Variants in SP4 observed in about 807,000 individuals in gnomAD.
SP4 encodes Sp4 transcription factor.
Under a neutral mutation model 72.8 loss-of-function variants are expected in SP4, and 19 were observed. The ratio of observed to expected loss-of-function variants is 0.26; its 90% CI spans 0.18 to 0.38. The LOEUF (loss-of-function observed/expected upper bound fraction) is 0.38, where lower values mean the gene tolerates loss of function less well. SP4 is among the 10% of genes least tolerant of loss of function. SP4 has a pLI of 1.00. For missense variants in SP4, 1,008 were observed against 926.3 expected, an observed-to-expected ratio of 1.09 and a Z score of -1.14; for synonymous variants, 395 against 333.1, an observed-to-expected ratio of 1.19 and a Z score of -2.02.
chr7:21,439,778 G>GTCCCAGCCA (rs1368612985), intron 3 of SP4, among the ~76,000 whole-genome samples: 2 of 152,078 alleles, frequency 1.3e-5, no homozygotes, highest in Non-Finnish European at 2.9e-5. Context: ...CATGTTTGTA[G>GTCCCAGCCA]TCCCAGCCAC....
At position 21,479,597 on chromosome 7, in the gene SP4, T is replaced by C. The variant is rs1315847882; in HGVS notation, c.1907+2290T>C. Among the ~76,000 whole-genome samples the C allele has an allele frequency of 2.0e-5, 3 of 152,218 alleles. No homozygotes were observed. The East Asian group carries it at 5.8e-4, about 29-fold the overall frequency. On this transcript the variant is annotated intron_variant, in intron 4 of 5. Coordinates refer to ENST00000222584, the MANE Select transcript of SP4 (RefSeq NM_003112.5). ...GCAGCTTTGTTATTCTTCAAAATTG[T>C]ACTGACTCTTTCGGGACACTTGCAA...
rs1385305372 is a variant in SP4, at chr7:21,512,444, T to G, written c.*1175T>G. 2 of 152,032 alleles carry G rather than the reference T, an allele frequency of 1.3e-5. No individual in the cohort carries two copies. Among genetic ancestry groups the G allele is most frequent in the Non-Finnish European group, 2.9e-5 (2 of 67,998 alleles). 9.4% of individuals were successfully genotyped at this position (152,032 alleles called of 1,614,324 possible). A position where few individuals can be genotyped will look rare whatever the true frequency, so the allele number is the denominator to read the frequency against. On this transcript the variant is annotated 3_prime_UTR_variant, in exon 6 of 6. Coordinates refer to ENST00000222584, the MANE Select transcript of SP4 (RefSeq NM_003112.5). The stretch of plus-strand genomic sequence containing the variant: ...CCCTAAAAATTAGCCTAATATATAA[T>G]AGATATATTATGAAGCAAAACTTTT...
At chr7:21,491,281 A>T (rs1784971574) in intron 5 of SP4, among the ~76,000 whole-genome samples, 2 of 152,198 alleles carry the variant, frequency 1.3e-5, no homozygotes, top group African/African-American at 4.8e-5. Flanking sequence ...AAGTAAGTTT[A>T]TCAGATGCTC....
chr7:21,481,383 C>G (rs1428086204), intron 4 of SP4, among the ~76,000 whole-genome samples: 1 of 152,202 alleles, frequency 6.6e-6, no homozygotes, highest in Admixed American at 6.5e-5. Context: ...ATACCACAGA[C>G]TCTTACTGTT....
chr7:21,452,208 G>GA (rs1783621391), intron 3 of SP4, among the ~76,000 whole-genome samples: 1 of 152,198 alleles, frequency 6.6e-6, no homozygotes. Context: ...TGATAGGACT[G>GA]ATTTGTTTGC....
At position 21,514,433 on chromosome 7, in the gene SP4, A is replaced by G. The variant is rs1204337223; in HGVS notation, c.*3164A>G. On this transcript the variant is annotated 3_prime_UTR_variant, in exon 6 of 6. Coordinates refer to ENST00000222584, the MANE Select transcript of SP4 (RefSeq NM_003112.5). ...CATAGGGTATTAAATCTACATAATG[A>G]TTTTAAAACAGAAATAGTTGATGGT... 1 of 152,232 alleles carries G rather than the reference A, an allele frequency of 6.6e-6. No individual in the cohort carries two copies. The highest frequency in any genetic ancestry group is 2.4e-5 in the African/African-American group (1 of 41,342). The allele number at this position is 152,232 out of a possible 1,614,324, so 9.4% of individuals were successfully genotyped here.
chr7:21,478,219 A>G (rs531903321), intron 4 of SP4, among the ~76,000 whole-genome samples: 2 of 152,324 alleles, frequency 1.3e-5, no homozygotes, highest in South Asian at 4.1e-4. Flanking sequence ...AGGGACAAAT[A>G]ATATTCCACT....
intron 5 of SP4, among the ~76,000 whole-genome samples, chr7:21,506,242 G>T (rs868509857): frequency 6.6e-6 from 1 of 152,072 alleles, no homozygotes; most frequent in Non-Finnish European, 1.5e-5. Flanking sequence ...GTGAATTAGG[G>T]AGGAGTGAGC....
chr7:21,493,456 C>CAATA (rs1453454927), intron 5 of SP4, among the ~76,000 whole-genome samples: 1 of 152,042 alleles, frequency 6.6e-6, no homozygotes, highest in Admixed American at 6.5e-5. Context: ...GGTCCTCAGT[C>CAATA]AATAGTCTAA....
Position 21,430,708 on chromosome 7 carries a change from G to C in SP4, c.1543G>C (p.Val515Leu). Residue 515 changes from valine (V) to leucine (L), a missense_variant, in exon 3 of 6, where the codon GTT (valine) becomes CTT (leucine). By Grantham distance (32) the Val-to-Leu change is conservative. Transcript: ENST00000222584. ...TCTTGCTCAGATTGCTCCTGTGGCT[G>C]TTGCTGGTGCCCCAATAACTTTGAA... ...TTLAQIAPVA[V>L]AGAPITLNTA... The C allele has an allele frequency of 2.5e-6, 4 of 1,614,186 alleles. No homozygotes were observed. Among genetic ancestry groups the C allele is most frequent in the Non-Finnish European group, 3.4e-6 (4 of 1,180,036 alleles).
chr7:21,513,059 G>A lies in SP4; in HGVS notation c.*1790G>A, dbSNP rs1782189512. On this transcript the variant is annotated 3_prime_UTR_variant, in exon 6 of 6. Transcript: ENST00000222584. ...CTCAATTTATTAACATCATTGCTTTGGGGACTGTTTGAATATAGGTACGTG... is the reference window on the plus strand; with the variant it reads ...CTCAATTTATTAACATCATTGCTTTAGGGACTGTTTGAATATAGGTACGTG... 1.3e-5 allele frequency: 2 copies of A among 152,512 alleles called. No individual in the cohort carries two copies. Among genetic ancestry groups the A allele is most frequent in the Admixed American group, 6.5e-5 (1 of 15,268 alleles). 9.4% of individuals were successfully genotyped at this position (152,512 alleles called of 1,614,324 possible).
intron 3 of SP4, among the ~76,000 whole-genome samples, chr7:21,474,462 A>T (rs143389191): frequency 1.3e-5 from 2 of 152,310 alleles, no homozygotes; most frequent in East Asian, 3.9e-4. Context: ...CAGTAAACAA[A>T]GTGTGTGTAT....
chr7:21,478,394 G>A (rs1403543481), intron 4 of SP4, among the ~76,000 whole-genome samples: 1 of 152,140 alleles, frequency 6.6e-6, no homozygotes, highest in Non-Finnish European at 1.5e-5. Context: ...ACCTAGAAAT[G>A]GATTTTTGGG....
Position 21,511,100 on chromosome 7 carries a change from A to C in SP4, c.2186A>C (p.His729Pro). Residue 729 changes from histidine to proline, a missense_variant, in exon 6 of 6, where the codon CAC becomes CCC. Coordinates refer to ENST00000222584, the MANE Select transcript of SP4 (RefSeq NM_003112.5). Reference protein sequence around the residue: ...SDHLSKHVKTHQNKKGGGTAL... With the variant: ...SDHLSKHVKTPQNKKGGGTAL... ...CATCTCTCCAAACATGTCAAAACGC[A>C]CCAGAATAAAAAAGGTGGTGGGACA... is the stretch of plus-strand genomic sequence containing the variant. 6.2e-7 allele frequency: 1 copy of C among 1,614,226 alleles called. No homozygotes were observed.
chr7:21,504,538 A>T (rs1404334503), intron 5 of SP4, among the ~76,000 whole-genome samples: 1 of 152,138 alleles, frequency 6.6e-6, no homozygotes, highest in African/African-American at 2.4e-5. Context: ...TTATCCCATC[A>T]TGTAGTGGAG....
intron 3 of SP4, among the ~76,000 whole-genome samples, chr7:21,472,514 A>T (rs1784378386): frequency 6.6e-6 from 1 of 151,552 alleles, no homozygotes; most frequent in Non-Finnish European, 1.5e-5. Flanking sequence ...GTTGGTCTTG[A>T]ACTCCTGGGC....
intron 5 of SP4, among the ~76,000 whole-genome samples, chr7:21,489,645 C>T (rs1236006801): frequency 7.3e-5 from 11 of 150,128 alleles, no homozygotes; most frequent in African/African-American, 2.0e-4. Flanking sequence ...CTGCAAGCTC[C>T]GCCTCCTGGG....
chr7:21,473,470 A>G lies in SP4; in HGVS notation c.1679-3609A>G, dbSNP rs534079576. Among the ~76,000 whole-genome samples the G allele has an allele frequency of 5.9e-5, 9 of 152,354 alleles. No individual in the cohort carries two copies. In the South Asian group the frequency reaches 1.5e-3, roughly 25 times the overall value. ...AGTTATTAGGCACTGTTACGGTACT[A>G]GAGATACAGCAGTGAACATAATAGG... On this transcript the variant is annotated intron_variant, in intron 3 of 5. Transcript: ENST00000222584.
intron 3 of SP4, among the ~76,000 whole-genome samples, chr7:21,458,402 T>C (rs1239616310): frequency 6.6e-6 from 1 of 152,168 alleles, no homozygotes; most frequent in East Asian, 1.9e-4. Context: ...CAGGCTGGTC[T>C]TGAACTCCTG....
Sources: gnomAD v4.1 joint callset for allele counts (sites outside exome capture counted in the v4.1 genomes callset) on GRCh38, gnomAD v4.1.1 for gene constraint, MANE v1.5 for transcripts, NCBI Gene and HGNC (gene_info 2026-07-23, HGNC 2026-07-21) for gene names.